TCF4: variants seen among roughly 807,000 people sequenced by gnomAD.
The protein encoded by TCF4 is transcription factor 4, also known as SL3-3 enhancer factor 2.
Under a neutral mutation model 82.1 loss-of-function variants are expected in TCF4, and 3 were observed. That is an observed-to-expected ratio of 0.04 (90% confidence interval 0.02 to 0.09). The LOEUF is 0.09. Ranked by LOEUF, TCF4 falls within the 10% of genes least tolerant of loss-of-function variation. The pLI is 1.00. For missense variants in TCF4, 518 were observed against 852.7 expected (o/e 0.61, Z 4.89); for synonymous variants, 276 against 309.6 (o/e 0.89, Z 1.14).
chr18:55,227,079 T>C lies in TCF4; in HGVS notation c.*956A>G, dbSNP rs1352010075. 1 of 152,598 alleles carries C rather than the reference T, an allele frequency of 6.6e-6. No individual in the cohort carries two copies. Among genetic ancestry groups the C allele is most frequent in the African/African-American group, 2.4e-5 (1 of 41,438 alleles). The allele number at this position is 152,598 out of a possible 1,614,324, so 9.5% of individuals were successfully genotyped here. On this transcript the variant is annotated 3_prime_UTR_variant, in exon 20 of 20. Transcript: ENST00000354452. ...TGCTGCTTGTAATATCTACACATGATGTGACTTTTAAGTCCTGTGTTCCCA... is the reference window on the plus strand; with the variant it reads ...TGCTGCTTGTAATATCTACACATGACGTGACTTTTAAGTCCTGTGTTCCCA...
intron 6 of TCF4, among the ~76,000 whole-genome samples, chr18:55,399,329 A>C (rs2093669292): frequency 6.6e-6 from 1 of 152,196 alleles, no homozygotes; most frequent in Admixed American, 6.5e-5. Flanking sequence ...CTGGTCTCCA[A>C]GTTTCTGGAA....
chr18:55,544,053 A>C (rs1195360859), intron 3 of TCF4, among the ~76,000 whole-genome samples: 1 of 152,168 alleles, frequency 6.6e-6, no homozygotes, highest in Non-Finnish European at 1.5e-5. Context: ...TCAGCATCCC[A>C]AGTAAATGCA....
chr18:55,436,424 T>C (rs550194830), intron 5 of TCF4, among the ~76,000 whole-genome samples: 1 of 152,360 alleles, frequency 6.6e-6, no homozygotes, highest in East Asian at 1.9e-4. Flanking sequence ...TGGTATTCTA[T>C]GATGTAAGAA....
chr18:55,456,450 G>C (rs1036679410), intron 5 of TCF4, among the ~76,000 whole-genome samples: 2 of 152,176 alleles, frequency 1.3e-5, no homozygotes, highest in African/African-American at 4.8e-5. Flanking sequence ...GAACTAAGCT[G>C]TAGCCAAATG....
chr18:55,573,055 A>G (rs1172869568), intron 3 of TCF4, among the ~76,000 whole-genome samples: 3 of 149,626 alleles, frequency 2.0e-5, no homozygotes, highest in Non-Finnish European at 4.5e-5. Flanking sequence ...CTCCGTCTCA[A>G]AAAAAAAAAG....
intron 2 of TCF4, chr18:55,585,663 C>T (rs2097636880): frequency 1.3e-6 from 1 of 783,908 alleles, no homozygotes; most frequent in African/African-American, 1.8e-5. Context: ...AGCAGCCTCT[C>T]TAGAAAAACA....
chr18:55,406,697 G>T (rs896690057), intron 5 of TCF4, among the ~76,000 whole-genome samples: 1 of 152,062 alleles, frequency 6.6e-6, no homozygotes, highest in Non-Finnish European at 1.5e-5. Flanking sequence ...TGGCTGGCGC[G>T]GACAGCCTCT....
At chr18:55,407,156 A>C (rs1280837761) in intron 5 of TCF4, among the ~76,000 whole-genome samples, 2 of 152,114 alleles carry the variant, frequency 1.3e-5, no homozygotes. Flanking sequence ...TTTATACCTA[A>C]AAGGACCAAA....
chr18:55,242,438 A>C (rs1269481364), intron 15 of TCF4, among the ~76,000 whole-genome samples: 4 of 152,188 alleles, frequency 2.6e-5, no homozygotes, highest in Non-Finnish European at 5.9e-5. Context: ...GATCTGTGAG[A>C]CTATGTCTGA....
At chr18:55,232,701 T>C (rs2048238741) in intron 16 of TCF4, 30 bp from the exon 17 acceptor site, 2 of 1,613,704 alleles carry the variant, frequency 1.2e-6, no homozygotes, top group Non-Finnish European at 1.7e-6. Flanking sequence ...AGGTGACATG[T>C]ACACCACAAT....
At chr18:55,278,341 G>A (rs1358235333) in intron 9 of TCF4, among the ~76,000 whole-genome samples, 1 of 152,022 alleles carries the variant, frequency 6.6e-6, no homozygotes, top group Non-Finnish European at 1.5e-5. Context: ...TCACACCTGG[G>A]CAAAAAGAGT....
chr18:55,575,428 C>A (rs2147652987), intron 3 of TCF4, among the ~76,000 whole-genome samples: 1 of 152,242 alleles, frequency 6.6e-6, no homozygotes, highest in Admixed American at 6.5e-5. Context: ...CACCTGCTGA[C>A]CAAAGCTTTG....
In TCF4 at chr18:55,228,772, A is replaced by G. The variant is rs8087570; in HGVS notation, c.1879+75T>C. ...AGTCTACTGTCTGCCACTGCTCAAG[A>G]CTGGCGTGCCCATCTCAGCTTGTGC... On this transcript the variant is annotated intron_variant, in intron 18 of 19. Coordinates refer to ENST00000354452, the MANE Select transcript of TCF4 (RefSeq NM_001083962.2). 157,037 of 1,473,140 alleles carry G rather than the reference A, an allele frequency of 0.11. 9,234 individuals are homozygous for G. The highest frequency in any genetic ancestry group is 0.13 in the African/African-American group (9,211 of 72,098). The allele number at this position is 1,473,140 out of a possible 1,614,324, so 91.3% of individuals were successfully genotyped here.
intron 5 of TCF4, among the ~76,000 whole-genome samples, chr18:55,404,973 C>T (rs931080184): frequency 7.2e-5 from 11 of 152,236 alleles, no homozygotes; most frequent in Non-Finnish European, 1.5e-4. Flanking sequence ...AAAATCAATG[C>T]CCCATATCAG....
chr18:55,493,673 T>C (rs773708280), intron 3 of TCF4, among the ~76,000 whole-genome samples: 4 of 152,208 alleles, frequency 2.6e-5, no homozygotes, highest in Non-Finnish European at 4.4e-5. Context: ...CTTATTAATA[T>C]ATTGTTTACT....
intron 5 of TCF4, among the ~76,000 whole-genome samples, chr18:55,450,707 A>G (rs980992203): frequency 4.6e-5 from 7 of 152,224 alleles, no homozygotes; most frequent in African/African-American, 1.7e-4. Context: ...GTGGAGAAGA[A>G]AGAAATGAAG....
intron 2 of TCF4, 80 bp downstream of exon 2, chr18:55,586,965 T>G: frequency 8.1e-7 from 1 of 1,234,000 alleles, no homozygotes; most frequent in South Asian, 1.2e-5. Flanking sequence ...TTTAGATTCC[T>G]ACTGGTTTCT....
At chr18:55,486,510 T>A in intron 3 of TCF4, among the ~76,000 whole-genome samples, 1 of 152,152 alleles carries the variant, frequency 6.6e-6, no homozygotes, top group East Asian at 1.9e-4. Flanking sequence ...GAAAATCGCT[T>A]GAACCCGGGA....
At chr18:55,300,585 CAT>C (rs1487576120) in intron 8 of TCF4, among the ~76,000 whole-genome samples, 3 of 152,204 alleles carry the variant, frequency 2.0e-5, no homozygotes, top group Non-Finnish European at 1.5e-5. Flanking sequence ...CAATCAAAAC[CAT>C]ATGTCGGTTC....
Sources: allele counts gnomAD v4.1 joint callset (sites outside exome capture counted in the v4.1 genomes callset), GRCh38; gene constraint gnomAD v4.1.1; transcripts MANE v1.5; gene names NCBI Gene and HGNC (gene_info 2026-07-23, HGNC 2026-07-21).